Variants in NRG3 observed in about 807,000 individuals in gnomAD.
The protein encoded by NRG3 is pro-neuregulin-3, membrane-bound isoform.
Under a neutral mutation model 66.9 loss-of-function variants are expected in NRG3, and 31 were observed. That is an observed-to-expected ratio of 0.46 (90% confidence interval 0.35 to 0.63). The LOEUF (loss-of-function observed/expected upper bound fraction) is 0.63. Ranked by LOEUF, NRG3 falls within the 20% of genes least tolerant of loss-of-function variation. The pLI is 0.00. For synonymous variants in NRG3, 393 were observed against 359.4 expected, an observed-to-expected ratio of 1.09 and a Z score of -1.06; for missense variants, 910 against 878.9, an observed-to-expected ratio of 1.04 and a Z score of -0.45.
intron 1 of NRG3, among the ~76,000 whole-genome samples, chr10:82,039,523 G>T (rs1003790333): frequency 5.9e-5 from 9 of 152,092 alleles, no homozygotes; most frequent in African/African-American, 2.2e-4. Flanking sequence ...TAGCAAGTTA[G>T]TGTGATGATT....
At chr10:82,171,380 CT>C (rs5786534) in intron 1 of NRG3, among the ~76,000 whole-genome samples, 82,473 of 151,766 alleles carry the variant, frequency 0.54, 24,625 homozygotes, top group Non-Finnish European at 0.68. Flanking sequence ...ATTTAAAGCA[CT>C]GCTTCTACTT....
intron 1 of NRG3, among the ~76,000 whole-genome samples, chr10:82,163,921 A>ATTTTTT (rs202076612): frequency 7.0e-6 from 1 of 142,650 alleles, no homozygotes; most frequent in Non-Finnish European, 1.5e-5. Flanking sequence ...TCTCTCTTAA[A>ATTTTTT]ATTTTTTTTT....
chr10:82,228,763 C>T (rs2076295602), intron 1 of NRG3, among the ~76,000 whole-genome samples: 2 of 152,144 alleles, frequency 1.3e-5, no homozygotes, highest in South Asian at 2.1e-4. Context: ...AAGAAAGGCT[C>T]CAGAGCCCAG....
intron 4 of NRG3, among the ~76,000 whole-genome samples, chr10:82,936,037 G>A (rs1848037073): frequency 6.6e-6 from 1 of 152,098 alleles, no homozygotes; most frequent in African/African-American, 2.4e-5. Context: ...ACAGGGGTAT[G>A]GATCATATTC....
chr10:82,625,965 A>G (rs1397962571), intron 2 of NRG3, among the ~76,000 whole-genome samples: 1 of 152,190 alleles, frequency 6.6e-6, no homozygotes, highest in African/African-American at 2.4e-5. Flanking sequence ...AATAAAGACC[A>G]ATGTAAGGCT....
chr10:82,871,829 G>T (rs568271), intron 4 of NRG3, among the ~76,000 whole-genome samples: 94,436 of 151,662 alleles, frequency 0.62, 30,869 homozygotes, highest in African/African-American at 0.83. Flanking sequence ...TTTAATTTTT[G>T]TTAACCTAAG....
At chr10:82,668,451 C>G (rs2052979152) in intron 2 of NRG3, among the ~76,000 whole-genome samples, 1 of 152,180 alleles carries the variant, frequency 6.6e-6, no homozygotes, top group Non-Finnish European at 1.5e-5. Context: ...CTTGATGAGT[C>G]AAGCCTGCAT....
At chr10:82,919,967 A>G (rs1846264161) in intron 4 of NRG3, among the ~76,000 whole-genome samples, 1 of 152,176 alleles carries the variant, frequency 6.6e-6, no homozygotes, top group South Asian at 2.1e-4. Flanking sequence ...ATGGATTAGA[A>G]CAGAAAAATA....
At chr10:82,768,050 T>C (rs973748991) in intron 3 of NRG3, among the ~76,000 whole-genome samples, 1 of 152,106 alleles carries the variant, frequency 6.6e-6, no homozygotes, top group Non-Finnish European at 1.5e-5. Flanking sequence ...TACCAGAATG[T>C]CACTGGAGTC....
intron 2 of NRG3, among the ~76,000 whole-genome samples, chr10:82,632,334 C>A (rs1441717574): frequency 2.6e-5 from 4 of 152,166 alleles, no homozygotes; most frequent in African/African-American, 7.2e-5. Flanking sequence ...TTACATAAGA[C>A]ATCCAAATGC....
intron 6 of NRG3, among the ~76,000 whole-genome samples, chr10:82,962,513 T>C: frequency 6.6e-6 from 1 of 152,116 alleles, no homozygotes; most frequent in East Asian, 1.9e-4. Flanking sequence ...AACTGGAAGA[T>C]AATACTTGCA....
chr10:82,235,803 G>A (rs567602129), intron 1 of NRG3, among the ~76,000 whole-genome samples: 95 of 152,250 alleles, frequency 6.2e-4, no homozygotes, highest in Middle Eastern at 3.4e-3. Flanking sequence ...CTCTTTTGCT[G>A]ACCTGGAAAG....
At chr10:82,962,621 C>G (rs1351729210) in intron 6 of NRG3, among the ~76,000 whole-genome samples, 3 of 151,942 alleles carry the variant, frequency 2.0e-5, no homozygotes, top group Non-Finnish European at 4.4e-5. Flanking sequence ...GGTGGATCAC[C>G]TGAGGTCGGG....
At position 82,489,473 on chromosome 10, in the gene NRG3, T is replaced by C. The variant is rs1486559113; in HGVS notation, c.953+130605T>C. Among the ~76,000 whole-genome samples, 4 of 152,102 alleles carry C rather than the reference T, an allele frequency of 2.6e-5. No individual in the cohort carries two copies. The South Asian group carries it at 8.3e-4, about 31-fold the overall frequency. Reference sequence around the variant, plus strand: ...CTCAAGAAAATCAGAGCCTGGGTCATGGTAGGTAGGCAAAGGCTGAGGCAG... The same window carrying C: ...CTCAAGAAAATCAGAGCCTGGGTCACGGTAGGTAGGCAAAGGCTGAGGCAG... On this transcript the variant is annotated intron_variant, in intron 2 of 8. Transcript: ENST00000372141.
intron 2 of NRG3, among the ~76,000 whole-genome samples, chr10:82,633,257 G>A (rs758532137): frequency 6.6e-6 from 1 of 152,168 alleles, no homozygotes; most frequent in African/African-American, 2.4e-5. Context: ...GGGAAAGTAA[G>A]TACCTGGCAT....
chr10:82,893,522 T>C (rs977952689), intron 4 of NRG3, among the ~76,000 whole-genome samples: 5 of 152,178 alleles, frequency 3.3e-5, no homozygotes, highest in Admixed American at 6.5e-5. Flanking sequence ...ACCCCGTCTC[T>C]ACTAAAACTA....
intron 2 of NRG3, among the ~76,000 whole-genome samples, chr10:82,427,893 A>G (rs1192524379): frequency 1.3e-5 from 2 of 152,038 alleles, no homozygotes; most frequent in Non-Finnish European, 2.9e-5. Context: ...TTTATTTGCT[A>G]TATATATTCA....
intron 2 of NRG3, among the ~76,000 whole-genome samples, chr10:82,632,752 C>T (rs562294452): frequency 1.0e-3 from 159 of 152,042 alleles, no homozygotes; most frequent in Non-Finnish European, 1.9e-3. Flanking sequence ...TGTTCATTTA[C>T]GTTATTATTA....
intron 2 of NRG3, among the ~76,000 whole-genome samples, chr10:82,682,217 C>T (rs1481864754): frequency 6.6e-6 from 1 of 152,198 alleles, no homozygotes; most frequent in Non-Finnish European, 1.5e-5. Flanking sequence ...ATCAGGTACC[C>T]TTAGACTGGA....
Sources: gnomAD v4.1 joint callset for allele counts (sites outside exome capture counted in the v4.1 genomes callset) on GRCh38, gnomAD v4.1.1 for gene constraint, MANE v1.5 for transcripts, NCBI Gene and HGNC (gene_info 2026-07-23, HGNC 2026-07-21) for gene names.